The following SFSWAP variants were observed in gnomAD, a reference collection of about 807,000 sequenced individuals.
SFSWAP encodes the protein splicing factor SWAP.
A neutral mutation model predicts 100.7 loss-of-function variants in SFSWAP; 17 were observed. The ratio of observed to expected loss-of-function variants is 0.17; its 90% CI spans 0.12 to 0.25. The LOEUF (loss-of-function observed/expected upper bound fraction) is 0.25. Among genes scored for constraint, SFSWAP ranks in the 10% least tolerant of loss-of-function variants. The pLI is 1.00. For missense variants in SFSWAP, 1,005 were observed against 1,262.6 expected (o/e 0.80, Z 3.09); for synonymous variants, 504 against 510.1 (o/e 0.99, Z 0.16).
intron 14 of SFSWAP, among the ~76,000 whole-genome samples, chr12:131,779,314 G>GAGCGT (rs1456970918): frequency 1.3e-5 from 2 of 151,490 alleles, no homozygotes; most frequent in Non-Finnish European, 1.5e-5. Flanking sequence ...GGGCGGCGCT[G>GAGCGT]GTGCAGAATG....
intron 7 of SFSWAP, among the ~76,000 whole-genome samples, chr12:131,736,116 A>G (rs1369763999): frequency 6.6e-6 from 1 of 152,226 alleles, no homozygotes; most frequent in Admixed American, 6.5e-5. Context: ...GCACCAGCAC[A>G]GAAATCCACA....
At chr12:131,722,388 C>T (rs1878555726) in intron 4 of SFSWAP, among the ~76,000 whole-genome samples, 1 of 148,676 alleles carries the variant, frequency 6.7e-6, no homozygotes. Context: ...ATAGTGAGAT[C>T]CTGTCTCTAC....
At chr12:131,763,223 C>G (rs7488468) in intron 11 of SFSWAP, among the ~76,000 whole-genome samples, 2 of 152,104 alleles carry the variant, frequency 1.3e-5, no homozygotes, top group African/African-American at 4.8e-5. Context: ...AGCCAGGTAG[C>G]CCACCCTGTG....
At chr12:131,795,946 A>G (rs1034425488) in intron 15 of SFSWAP, among the ~76,000 whole-genome samples, 10 of 138,200 alleles carry the variant, frequency 7.2e-5, no homozygotes, top group Non-Finnish European at 1.1e-4. Flanking sequence ...TGTCCTGCCC[A>G]GGCACCAGCA....
intron 13 of SFSWAP, among the ~76,000 whole-genome samples, chr12:131,770,803 A>G (rs1883525309): frequency 6.6e-6 from 1 of 152,174 alleles, no homozygotes; most frequent in South Asian, 2.1e-4. Context: ...CAGGATGTCC[A>G]TCTTCTAAAA....
rs200503599 is a variant in SFSWAP, at chr12:131,766,176, G to A, written c.2010G>A (p.Ala670=). ...CTGCCCGGGAAAAGCTGGCCCAGGC[G>A]TCTAAGGAGTCAAAAGAGAAACAGC... ...AAAAREKLAQ[A]SKESKEKQLQ... Residue 670 remains alanine, a synonymous_variant, in exon 13 of 18, where the codon GCG becomes GCA. Coordinates refer to ENST00000261674, the MANE Select transcript of SFSWAP (RefSeq NM_004592.4). 4.6e-5 allele frequency: 75 copies of A among 1,614,116 alleles called. No individual in the cohort carries two copies. In the Middle Eastern group the frequency reaches 4.9e-4, roughly 11 times the overall value.
At chr12:131,739,671 G>A (rs1002223127) in intron 7 of SFSWAP, among the ~76,000 whole-genome samples, 3 of 147,592 alleles carry the variant, frequency 2.0e-5, no homozygotes, top group South Asian at 2.2e-4. Context: ...TCAGCCTCCC[G>A]AGCAGCTGGG....
rs747022745 is a variant in SFSWAP at position 131,766,326 on chromosome 12, A to AT, written c.2142+20dup. 1.9e-6 allele frequency: 3 copies of AT among 1,608,782 alleles called. No homozygotes were observed. In the South Asian group the frequency reaches 3.3e-5, roughly 18 times the overall value. ...GTGTCGAGGTATAGTAAAATCCCACATTGGTATCTGCGGGGCTGTGTGATA... is the reference window on the plus strand; with the variant it reads ...GTGTCGAGGTATAGTAAAATCCCACATTTGGTATCTGCGGGGCTGTGTGATA... On this transcript the variant is annotated intron_variant, in intron 13 of 17. Coordinates refer to ENST00000261674, the MANE Select transcript of SFSWAP (RefSeq NM_004592.4).
intron 15 of SFSWAP, among the ~76,000 whole-genome samples, chr12:131,791,480 C>T (rs554648479): frequency 2.8e-4 from 43 of 151,948 alleles, no homozygotes; most frequent in Non-Finnish European, 1.5e-4. Flanking sequence ...GGGCCAGGCA[C>T]GATGGTTCAC....
chr12:131,744,583 T>C (rs921286929), intron 7 of SFSWAP, among the ~76,000 whole-genome samples: 1 of 152,202 alleles, frequency 6.6e-6, no homozygotes, highest in African/African-American at 2.4e-5. Flanking sequence ...CTCTGGGAAG[T>C]TCCAAACTTT....
chr12:131,760,955 C>G (rs1258704735), intron 11 of SFSWAP, among the ~76,000 whole-genome samples: 1 of 152,126 alleles, frequency 6.6e-6, no homozygotes, highest in Non-Finnish European at 1.5e-5. Context: ...ACCTGTAATC[C>G]CAGCTAATCA....
In SFSWAP at chr12:131,725,561, T is replaced by C. The variant is rs955915284; in HGVS notation, c.763T>C (p.Phe255Leu). 1.2e-6 allele frequency: 2 copies of C among 1,614,086 alleles called. No homozygotes were observed. The highest frequency in any genetic ancestry group is 3.3e-5 in the Admixed American group (2 of 60,014). Reference protein sequence around the residue: ...FDHYLNPYYKFIQKAMKEGRY... With the variant: ...FDHYLNPYYKLIQKAMKEGRY... ...CCACTACCTCAACCCCTACTATAAGTTCATCCAGAAAGCCATGAAAGAGGG... is the reference window on the plus strand; with the variant it reads ...CCACTACCTCAACCCCTACTATAAGCTCATCCAGAAAGCCATGAAAGAGGG... Residue 255 changes from phenylalanine (F) to leucine (L), a missense_variant, in exon 5 of 18, where the codon TTC becomes CTC. Phe to Leu is a conservative substitution (Grantham distance 22). Transcript: ENST00000261674. This position sits in a 1 kb window ranked among gnomAD's most constrained non-coding sequence, Gnocchi z 4.3.
rs774384524 is a variant in SFSWAP, at chr12:131,711,846, T to G, written c.218+399T>G. 1.1e-4 allele frequency: 24 copies of G among 220,428 alleles called. No individual in the cohort carries two copies. Among genetic ancestry groups the G allele is most frequent in the Non-Finnish European group, 2.1e-4 (22 of 107,262 alleles). 13.7% of individuals were successfully genotyped at this position (220,428 alleles called of 1,614,324 possible). On this transcript the variant is annotated intron_variant, in intron 1 of 17. Transcript: ENST00000261674. This position sits in a 1 kb window ranked among gnomAD's most constrained non-coding sequence, Gnocchi z 4.9. The stretch of plus-strand genomic sequence containing the variant: ...TGCGCTGCTTTTCTACTTGCCGCGC[T>G]CTCACTGCTCGGTGTACTGGGAGGG...
At chr12:131,750,362 T>G (rs1881511188) in intron 7 of SFSWAP, among the ~76,000 whole-genome samples, 1 of 152,230 alleles carries the variant, frequency 6.6e-6, no homozygotes, top group South Asian at 2.1e-4. Flanking sequence ...AACACATACT[T>G]TATTTCTCTT....
chr12:131,797,302 G>A lies in SFSWAP; in HGVS notation c.2659G>A (p.Ala887Thr), dbSNP rs1434250365. ...PRPAAPAAHSAHSASVSPVES... is the reference protein window; with the variant it reads ...PRPAAPAAHSTHSASVSPVES... ...GCCCGCGGCCCCCGCGGCCCACTCG[G>A]CGCACTCAGCCAGCGTCTCCCCTGT... Residue 887 changes from alanine (A) to threonine (T), a missense_variant, in exon 16 of 18, where the codon GCG (alanine) becomes ACG (threonine). Transcript: ENST00000261674. 6.2e-7 allele frequency: 1 copy of A among 1,611,374 alleles called. No individual in the cohort carries two copies. The highest frequency in any genetic ancestry group is 2.2e-5 in the East Asian group (1 of 44,834).
Position 131,711,442 on chromosome 12 carries a change from C to G in SFSWAP, c.213C>G (p.Ile71Met). The G allele has an allele frequency of 6.2e-7, 1 of 1,612,520 alleles. No individual in the cohort carries two copies. Among genetic ancestry groups the G allele is most frequent in the Non-Finnish European group, 8.5e-7 (1 of 1,179,350 alleles). The change falls in exon 1 of 18, where the codon ATC becomes ATG. Residue 71 changes from isoleucine (I) to methionine (M), a missense_variant. By Grantham distance (10) the Ile-to-Met change is conservative (BLOSUM62 1). This residue lies in a region of SFSWAP where 237 missense variants were observed against 337.0 expected (regional missense o/e 0.70). Transcript: ENST00000261674. The surrounding 1 kb of genome is among the most constrained non-coding windows in gnomAD (Gnocchi z 4.9). ...IPWMGDHKIL[I>M]DRYDGRGHLH... is the part of the protein sequence containing the mutation. ...GGATGGGGGACCACAAGATCCTCAT[C>G]GACAGGTCGGTTCCTCTCCCCACCC...
intron 14 of SFSWAP, among the ~76,000 whole-genome samples, chr12:131,779,999 T>G (rs1884372233): frequency 6.6e-6 from 1 of 152,242 alleles, no homozygotes; most frequent in Non-Finnish European, 1.5e-5. Flanking sequence ...TTGGCCAGGC[T>G]GGTCTCGAAC....
In SFSWAP at chr12:131,753,332, A is replaced by G; in HGVS notation, c.1291A>G (p.Ser431Gly). 6.2e-7 allele frequency: 1 copy of G among 1,612,474 alleles called. No homozygotes were observed. Among genetic ancestry groups the G allele is most frequent in the Non-Finnish European group, 8.5e-7 (1 of 1,178,544 alleles). ...LPPPTTAETS[S>G]GATSTTTTTS... ...GCCCCCAACCACAGCAGAGACTAGC[A>G]GCGGGGCCACCTCCACAACCACCAC... The change falls in exon 8 of 18, where the codon AGC becomes GGC. Residue 431 changes from serine (S) to glycine (G), a missense_variant. By Grantham distance (56) the Ser-to-Gly change is moderately conservative. This residue lies in a region of SFSWAP where 311 missense variants were observed against 317.8 expected (regional missense o/e 0.98). Coordinates refer to ENST00000261674, the MANE Select transcript of SFSWAP (RefSeq NM_004592.4).
At chr12:131,715,672 A>T (rs981948075) in intron 3 of SFSWAP, among the ~76,000 whole-genome samples, 2 of 152,258 alleles carry the variant, frequency 1.3e-5, no homozygotes, top group African/African-American at 4.8e-5. Context: ...TGAACCTGAC[A>T]CCTTAAAGAC....
Sources: gnomAD v4.1 joint callset for allele counts (sites outside exome capture counted in the v4.1 genomes callset) on GRCh38, gnomAD v4.1.1 for gene constraint, gnomAD v4.1.1 regional missense constraint, Gnocchi (gnomAD v3.1) non-coding constraint, MANE v1.5 for transcripts, NCBI Gene and HGNC (gene_info 2026-07-23, HGNC 2026-07-21) for gene names.